Variants in CATSPERE observed in about 807,000 individuals in gnomAD.
CATSPERE encodes the protein catsper channel auxiliary subunit epsilon.
In CATSPERE, 93 loss-of-function variants were observed where a neutral mutation model predicts 114.1. The ratio of observed to expected loss-of-function variants is 0.81; its 90% confidence interval spans 0.69 to 0.97. The LOEUF (loss-of-function observed/expected upper bound fraction) is 0.97. Ranked by LOEUF, CATSPERE falls within the 50% of genes least tolerant of loss-of-function variation. The pLI is 0.00. For synonymous variants in CATSPERE, 341 were observed against 384.1 expected (o/e 0.89, Z 1.31); for missense variants, 1,058 against 1,131.6 (o/e 0.93, Z 0.93).
At position 244,640,350 on chromosome 1, in the gene CATSPERE, G is replaced by T; in HGVS notation, c.*269G>T. 4.4e-6 allele frequency: 1 copy of T among 226,366 alleles called. No individual in the cohort carries two copies. The highest frequency in any genetic ancestry group is 8.6e-6 in the Non-Finnish European group (1 of 116,518). The allele number at this position is 226,366 out of a possible 1,614,324, so 14.0% of individuals were successfully genotyped here. On this transcript the variant is annotated 3_prime_UTR_variant, in exon 22 of 22. Coordinates refer to ENST00000366534, the MANE Select transcript of CATSPERE (RefSeq NM_001130957.2). ...TGGCATGAAAAAATAAACTAAATTT[G>T]ACTATTACAATCCTTTGTAAGAATG...
intron 6 of CATSPERE, among the ~76,000 whole-genome samples, chr1:244,492,178 T>C (rs1199886632): frequency 6.6e-6 from 1 of 151,170 alleles, no homozygotes; most frequent in Admixed American, 6.6e-5. Context: ...TGATGAACAT[T>C]GATGCAAAAA....
chr1:244,510,107 T>C (rs753008244), intron 7 of CATSPERE, among the ~76,000 whole-genome samples: 5 of 152,150 alleles, frequency 3.3e-5, no homozygotes, highest in Non-Finnish European at 7.3e-5. Flanking sequence ...TCTTTCTTTC[T>C]ACTAATTTTG....
chr1:244,580,113 C>T (rs183812210), intron 11 of CATSPERE, among the ~76,000 whole-genome samples: 34 of 152,076 alleles, frequency 2.2e-4, no homozygotes, highest in South Asian at 2.1e-3. Flanking sequence ...GTTGGTTCAC[C>T]GCAACCTCTG....
chr1:244,469,593 C>T (rs576642817), intron 2 of CATSPERE, among the ~76,000 whole-genome samples: 1 of 152,150 alleles, frequency 6.6e-6, no homozygotes, highest in South Asian at 2.1e-4. Flanking sequence ...TAAACTATTT[C>T]TATTTGCAGA....
intron 7 of CATSPERE, among the ~76,000 whole-genome samples, chr1:244,508,881 G>A (rs1227291277): frequency 6.7e-6 from 1 of 150,224 alleles, no homozygotes; most frequent in African/African-American, 2.4e-5. Flanking sequence ...CGTGCCTGTA[G>A]TGCCAGCTAC....
intron 20 of CATSPERE, among the ~76,000 whole-genome samples, chr1:244,632,076 A>G (rs575483005): frequency 1.3e-5 from 2 of 152,198 alleles, no homozygotes; most frequent in East Asian, 3.9e-4. Flanking sequence ...TCAAAAGATT[A>G]AAAAACAAAC....
intron 8 of CATSPERE, among the ~76,000 whole-genome samples, chr1:244,519,077 T>C (rs1018262047): frequency 9.2e-5 from 14 of 152,114 alleles, no homozygotes; most frequent in Admixed American, 6.5e-5. Flanking sequence ...GATACATTAC[T>C]GTTAAAGTTA....
At chr1:244,632,790 T>C (rs566666242) in intron 20 of CATSPERE, among the ~76,000 whole-genome samples, 1 of 152,294 alleles carries the variant, frequency 6.6e-6, no homozygotes, top group African/African-American at 2.4e-5. Context: ...ACTCTAACGA[T>C]ATCAACAATT....
chr1:244,632,442 A>G (rs1287743864), intron 20 of CATSPERE, among the ~76,000 whole-genome samples: 2 of 151,642 alleles, frequency 1.3e-5, no homozygotes, highest in South Asian at 2.1e-4. Flanking sequence ...AGAAAATACT[A>G]TGGGGTTTAT....
chr1:244,513,118 C>T (rs948443481), intron 7 of CATSPERE, among the ~76,000 whole-genome samples: 10 of 152,242 alleles, frequency 6.6e-5, no homozygotes, highest in African/African-American at 2.2e-4. Flanking sequence ...GGTGTCAGGT[C>T]CGCAGGCCCC....
chr1:244,521,015 T>C (rs1160370074), intron 8 of CATSPERE, among the ~76,000 whole-genome samples: 1 of 152,184 alleles, frequency 6.6e-6, no homozygotes, highest in Non-Finnish European at 1.5e-5. Context: ...GCTAATCTTA[T>C]TCGTGAATGT....
At chr1:244,529,663 T>C (rs1431206058) in intron 8 of CATSPERE, among the ~76,000 whole-genome samples, 1 of 152,066 alleles carries the variant, frequency 6.6e-6, no homozygotes, top group East Asian at 1.9e-4. Context: ...GGAAGCTTTT[T>C]ATTTTATTTT....
intron 2 of CATSPERE, among the ~76,000 whole-genome samples, chr1:244,477,076 A>C (rs1669476341): frequency 6.6e-6 from 1 of 152,074 alleles, no homozygotes; most frequent in Admixed American, 6.5e-5. Flanking sequence ...GCTCACTGCA[A>C]CCTCTGCCTC....
At chr1:244,555,811 G>C (rs1023804952) in intron 9 of CATSPERE, among the ~76,000 whole-genome samples, 1 of 152,060 alleles carries the variant, frequency 6.6e-6, no homozygotes, top group African/African-American at 2.4e-5. Context: ...AATAAATCAA[G>C]AAAGCACTCC....
chr1:244,567,103 G>A (rs1663693330), intron 10 of CATSPERE, among the ~76,000 whole-genome samples: 1 of 152,140 alleles, frequency 6.6e-6, no homozygotes, highest in South Asian at 2.1e-4. Context: ...CTTTGCTTAT[G>A]AAGCTTAGTT....
At chr1:244,516,052 G>A (rs1676553039) in intron 7 of CATSPERE, among the ~76,000 whole-genome samples, 2 of 151,630 alleles carry the variant, frequency 1.3e-5, no homozygotes, top group Admixed American at 1.3e-4. Flanking sequence ...AAATTAGCTG[G>A]GCGTGGTGGC....
At chr1:244,608,568 A>G (rs2148685046) in intron 18 of CATSPERE, among the ~76,000 whole-genome samples, 1 of 152,066 alleles carries the variant, frequency 6.6e-6, no homozygotes, top group South Asian at 2.1e-4. Flanking sequence ...TTTCAGTTCA[A>G]ACAGTTTACC....
intron 11 of CATSPERE, among the ~76,000 whole-genome samples, chr1:244,578,823 C>CATATAGATATAT (rs1553369149): frequency 2.3e-5 from 3 of 133,018 alleles, no homozygotes; most frequent in Non-Finnish European, 4.7e-5. Context: ...GGTGCATATA[C>CATATAGATATAT]ATATATATAT....
chr1:244,550,354 A>C (rs1291981719), intron 8 of CATSPERE, among the ~76,000 whole-genome samples: 4 of 152,264 alleles, frequency 2.6e-5, no homozygotes, highest in African/African-American at 9.6e-5. Context: ...ATATACTAGG[A>C]TGCTATACAG....
Sources: allele counts gnomAD v4.1 joint callset (sites outside exome capture counted in the v4.1 genomes callset), GRCh38; gene constraint gnomAD v4.1.1; transcripts MANE v1.5; gene names NCBI Gene and HGNC (gene_info 2026-07-23, HGNC 2026-07-21).